Variants in KAZN observed in about 807,000 individuals in gnomAD.
The protein encoded by KAZN is kazrin.
Under a neutral mutation model 87.4 loss-of-function variants are expected in KAZN, and 40 were observed. The observed-to-expected ratio is 0.46, with a 90% CI of 0.36 to 0.60. The LOEUF is 0.60. Among genes scored for constraint, KAZN ranks in the 20% least tolerant of loss-of-function variants. KAZN has a pLI of 0.00. For synonymous variants in KAZN, 466 were observed against 458.3 expected (o/e 1.02, Z -0.22); for missense variants, 898 against 1,073.9 (o/e 0.84, Z 2.29).
At chr1:14,951,209 A>C (rs1662440255) in intron 1 of KAZN, among the ~76,000 whole-genome samples, 1 of 152,064 alleles carries the variant, frequency 6.6e-6, no homozygotes, top group Non-Finnish European at 1.5e-5. Context: ...ACACAAGTAC[A>C]GAACCGAGGA....
intron 1 of KAZN, among the ~76,000 whole-genome samples, chr1:14,667,914 A>G (rs559549955): frequency 6.6e-6 from 1 of 152,286 alleles, no homozygotes; most frequent in African/African-American, 2.4e-5. Context: ...AACAAAACCC[A>G]GATTCTCTAC....
intron 1 of KAZN, among the ~76,000 whole-genome samples, chr1:14,874,470 C>CTGGA (rs58006026): frequency 0.077 from 11,399 of 148,040 alleles, 534 homozygotes; most frequent in East Asian, 0.19. Flanking sequence ...AGCTGGCTGA[C>CTGGA]TGGATGGATG....
intron 1 of KAZN, among the ~76,000 whole-genome samples, chr1:14,060,769 C>T (rs1642763854): frequency 6.6e-6 from 1 of 152,098 alleles, no homozygotes; most frequent in Non-Finnish European, 1.5e-5. Flanking sequence ...CAAGCAGGAC[C>T]CTTTTGGAAG....
At chr1:14,959,500 A>G (rs1663577791) in intron 1 of KAZN, among the ~76,000 whole-genome samples, 1 of 152,026 alleles carries the variant, frequency 6.6e-6, no homozygotes, top group African/African-American at 2.4e-5. Context: ...TCCCTCTGAG[A>G]TGTAAAATGA....
chr1:14,240,219 A>G (rs773118255), intron 2 of KAZN, among the ~76,000 whole-genome samples: 4 of 152,196 alleles, frequency 2.6e-5, no homozygotes, highest in Non-Finnish European at 5.9e-5. Context: ...TTTCTTATAC[A>G]CAAACTATAT....
intron 2 of KAZN, among the ~76,000 whole-genome samples, chr1:14,463,695 G>A (rs929043922): frequency 6.6e-6 from 1 of 152,134 alleles, no homozygotes; most frequent in Non-Finnish European, 1.5e-5. Context: ...ATTAAAAAAT[G>A]AGATGAAATC....
At chr1:14,831,543 CT>C (rs148118141) in intron 1 of KAZN, among the ~76,000 whole-genome samples, 2,183 of 152,320 alleles carry the variant, frequency 0.014, 52 homozygotes, top group African/African-American at 0.05. Context: ...TCAGCAGTTT[CT>C]CAGCGGCCTG....
chr1:14,729,451 A>T (rs1007664462), intron 1 of KAZN, among the ~76,000 whole-genome samples: 2 of 152,068 alleles, frequency 1.3e-5, no homozygotes, highest in African/African-American at 4.8e-5. Flanking sequence ...TTTATAGGCG[A>T]CCCTAATGGG....
At chr1:15,080,490 C>T (rs1000512807) in intron 8 of KAZN, among the ~76,000 whole-genome samples, 3 of 152,110 alleles carry the variant, frequency 2.0e-5, no homozygotes, top group Non-Finnish European at 4.4e-5. Flanking sequence ...GACTGATAGG[C>T]TCTCCTCCTG....
intron 1 of KAZN, among the ~76,000 whole-genome samples, chr1:14,783,377 T>G (rs1423063634): frequency 6.6e-6 from 1 of 152,038 alleles, no homozygotes; most frequent in Non-Finnish European, 1.5e-5. Context: ...AGAGCCCACA[T>G]GCAGAGAACT....
intron 2 of KAZN, among the ~76,000 whole-genome samples, chr1:14,550,753 C>T (rs1424629883): frequency 8.4e-6 from 1 of 118,910 alleles, no homozygotes; most frequent in African/African-American, 3.0e-5. Flanking sequence ...CACCCCGCCA[C>T]CCCCTCTCCC....
intron 1 of KAZN, among the ~76,000 whole-genome samples, chr1:14,910,018 T>A (rs1657067591): frequency 6.6e-6 from 1 of 151,990 alleles, no homozygotes. Flanking sequence ...CTGTTGCACT[T>A]CCTGCTTGGG....
chr1:14,544,350 CTTTT>C (rs374148415), intron 2 of KAZN, among the ~76,000 whole-genome samples: 45 of 98,122 alleles, frequency 4.6e-4, no homozygotes, highest in Admixed American at 1.4e-3. Flanking sequence ...TTCTTTCTTT[CTTTT>C]TTTTTTTTTT....
intron 1 of KAZN, among the ~76,000 whole-genome samples, chr1:14,643,690 G>T (rs1050360530): frequency 2.6e-5 from 4 of 152,168 alleles, no homozygotes; most frequent in African/African-American, 9.7e-5. Context: ...TACCCAGTAG[G>T]ATTGCTGGGT....
At chr1:14,763,682 G>C (rs1265157358) in intron 1 of KAZN, among the ~76,000 whole-genome samples, 1 of 152,208 alleles carries the variant, frequency 6.6e-6, no homozygotes, top group Non-Finnish European at 1.5e-5. Context: ...AGTAGGAATG[G>C]ATATCCTCCA....
At chr1:14,003,714 G>GAAAGCA (rs1473865208) in intron 1 of KAZN, among the ~76,000 whole-genome samples, 1 of 152,126 alleles carries the variant, frequency 6.6e-6, no homozygotes, top group Non-Finnish European at 1.5e-5. Context: ...ACCTAATTGT[G>GAAAGCA]AAAGCAAAAG....
intron 1 of KAZN, among the ~76,000 whole-genome samples, chr1:14,087,922 T>A (rs891024557): frequency 6.6e-6 from 1 of 151,704 alleles, no homozygotes; most frequent in Non-Finnish European, 1.5e-5. Flanking sequence ...TTCCTTGTAA[T>A]CTCTTTGTCT....
At chr1:14,163,836 T>G (rs552154916) in intron 1 of KAZN, among the ~76,000 whole-genome samples, 101 of 152,200 alleles carry the variant, frequency 6.6e-4, no homozygotes, top group Non-Finnish European at 1.1e-3. Flanking sequence ...CAGGCAATAG[T>G]ATTGTTAAAT....
intron 2 of KAZN, among the ~76,000 whole-genome samples, chr1:14,287,216 C>T (rs1437314633): frequency 2.6e-5 from 4 of 152,194 alleles, no homozygotes; most frequent in African/African-American, 9.6e-5. Flanking sequence ...ATGACAGATA[C>T]TGTAGGCTGG....
Sources: allele counts gnomAD v4.1 joint callset (sites outside exome capture counted in the v4.1 genomes callset), GRCh38; gene constraint gnomAD v4.1.1; transcripts MANE v1.5; gene names NCBI Gene and HGNC (gene_info 2026-07-23, HGNC 2026-07-21).